Variants in SLC20A2 observed in about 807,000 individuals in gnomAD.
SLC20A2 encodes the protein solute carrier family 20 member 2.
A neutral mutation model predicts 61.0 loss-of-function variants in SLC20A2; 30 were observed. That is an observed-to-expected ratio of 0.49 (90% CI 0.37 to 0.67). The LOEUF (loss-of-function observed/expected upper bound fraction) is 0.67. Ranked by LOEUF, SLC20A2 falls within the 30% of genes least tolerant of loss-of-function variation. The pLI is 0.00. For missense variants in SLC20A2, 626 were observed against 866.4 expected (o/e 0.72, Z 3.48); for synonymous variants, 351 against 353.3 (o/e 0.99, Z 0.07).
At chr8:42,418,315 T>C (rs1449224807) in intron 10 of SLC20A2, among the ~76,000 whole-genome samples, 2 of 151,306 alleles carry the variant, frequency 1.3e-5, no homozygotes, top group African/African-American at 4.9e-5. Flanking sequence ...TACAGGCGCA[T>C]GCCATCACCC....
chr8:42,529,783 A>G (rs1812209328), intron 1 of SLC20A2, among the ~76,000 whole-genome samples: 1 of 152,232 alleles, frequency 6.6e-6, no homozygotes, highest in Non-Finnish European at 1.5e-5. Flanking sequence ...GCTTAAACTA[A>G]GCTTTGGATA....
chr8:42,449,939 C>T (rs1257334047), intron 5 of SLC20A2, among the ~76,000 whole-genome samples: 4 of 152,228 alleles, frequency 2.6e-5, no homozygotes, highest in Admixed American at 6.5e-5. Flanking sequence ...CAATATGCTG[C>T]GGATATCTTC....
chr8:42,539,391 T>TA (rs1429023032), intron 1 of SLC20A2, among the ~76,000 whole-genome samples: 4 of 152,210 alleles, frequency 2.6e-5, no homozygotes, highest in Admixed American at 1.3e-4. Flanking sequence ...AAAATAAAAT[T>TA]AAGGAAGCCA....
chr8:42,531,660 A>C (rs1035650752), intron 1 of SLC20A2, among the ~76,000 whole-genome samples: 1 of 152,136 alleles, frequency 6.6e-6, no homozygotes, highest in Non-Finnish European at 1.5e-5. Context: ...AAGACCACAC[A>C]ATTTATGAGC....
chr8:42,418,280 C>G (rs1802809794), intron 10 of SLC20A2, among the ~76,000 whole-genome samples: 1 of 152,032 alleles, frequency 6.6e-6, no homozygotes, highest in Non-Finnish European at 1.5e-5. Flanking sequence ...AATTCTCCTG[C>G]CTCAGCCTCC....
chr8:42,483,806 GT>G (rs1337250704), intron 1 of SLC20A2, among the ~76,000 whole-genome samples: 2 of 152,208 alleles, frequency 1.3e-5, no homozygotes, highest in Non-Finnish European at 2.9e-5. Context: ...ATGTTGGACT[GT>G]TTGGCTAAGT....
intron 5 of SLC20A2, among the ~76,000 whole-genome samples, chr8:42,445,659 G>A (rs1480263987): frequency 6.6e-6 from 1 of 152,162 alleles, no homozygotes; most frequent in Non-Finnish European, 1.5e-5. Context: ...CCTGGGAGGC[G>A]GAGGTTGCAG....
chr8:42,447,582 G>C (rs941278143), intron 5 of SLC20A2, among the ~76,000 whole-genome samples: 1 of 151,782 alleles, frequency 6.6e-6, no homozygotes, highest in Non-Finnish European at 1.5e-5. Flanking sequence ...GGAGGCTGAG[G>C]CAGGAGAATG....
At chr8:42,455,251 T>G (rs1806082225) in intron 5 of SLC20A2, among the ~76,000 whole-genome samples, 2 of 95,086 alleles carry the variant, frequency 2.1e-5, no homozygotes, top group Non-Finnish European at 4.6e-5. Context: ...AATATATATA[T>G]ATATATAGAG....
chr8:42,447,643 C>A (rs748386498), intron 5 of SLC20A2, among the ~76,000 whole-genome samples: 1 of 152,152 alleles, frequency 6.6e-6, no homozygotes, highest in Admixed American at 6.6e-5. Context: ...CGCCACTGCA[C>A]TCCAGCCTGG....
chr8:42,419,008 CAAAAAAAAAAAA>C (rs778981433), intron 10 of SLC20A2, among the ~76,000 whole-genome samples: 1 of 64,202 alleles, frequency 1.6e-5, no homozygotes, highest in Non-Finnish European at 2.9e-5. Flanking sequence ...GACTCTGTCT[CAAAAAAAAAAAA>C]AAAAAAAAAA....
intron 1 of SLC20A2, among the ~76,000 whole-genome samples, chr8:42,533,654 C>CTTTTTTTTTTTTTTTTTTT (rs1162369065): frequency 1.1e-4 from 6 of 55,298 alleles, no homozygotes; most frequent in South Asian, 1.6e-3. Context: ...ATCAACTGTT[C>CTTTTTTTTTTTTTTTTTTT]TTTTTTTTTT....
intron 1 of SLC20A2, among the ~76,000 whole-genome samples, chr8:42,531,879 C>T (rs897340168): frequency 1.1e-4 from 16 of 149,650 alleles, no homozygotes; most frequent in South Asian, 2.1e-4. Context: ...AGTGCAGTGG[C>T]GCGATCTCAG....
chr8:42,537,110 C>T (rs987609710), intron 1 of SLC20A2, among the ~76,000 whole-genome samples: 2 of 150,414 alleles, frequency 1.3e-5, no homozygotes, highest in Non-Finnish European at 3.0e-5. Context: ...AGGCCAGGCA[C>T]AATGGCTCAC....
rs909469408 is a variant in SLC20A2 at position 42,437,687 on chromosome 8, C to T, written c.935-110G>A. The T allele has an allele frequency of 8.0e-6, 7 of 879,576 alleles. No individual in the cohort carries two copies. The highest frequency in any genetic ancestry group is 7.0e-5 in the Admixed American group (2 of 28,408). 54.5% of individuals were successfully genotyped at this position (879,576 alleles called of 1,614,324 possible). A position where few individuals can be genotyped will look rare whatever the true frequency, so the allele number is the denominator to read the frequency against. On this transcript the variant is annotated intron_variant, in intron 7 of 10. Transcript: ENST00000520262. The surrounding 1 kb of genome is among the most constrained non-coding windows in gnomAD (Gnocchi z 6.4). ...AGGGTGGAGTACAATGGCGCAATCT[C>T]GGCTCACTGCAACCTTCGCCTCCCG...
At chr8:42,421,275 G>A (rs1370981994) in intron 10 of SLC20A2, among the ~76,000 whole-genome samples, 3 of 152,064 alleles carry the variant, frequency 2.0e-5, no homozygotes, top group Non-Finnish European at 4.4e-5. Flanking sequence ...GGCTGTCCTC[G>A]TACCTTCAGC....
At chr8:42,526,809 T>C (rs191315118) in intron 1 of SLC20A2, among the ~76,000 whole-genome samples, 131 of 152,022 alleles carry the variant, frequency 8.6e-4, no homozygotes, top group Non-Finnish European at 1.7e-3. Context: ...AAAATGTTAA[T>C]AGGAGAAACT....
At chr8:42,486,955 C>G (rs1809063708) in intron 1 of SLC20A2, among the ~76,000 whole-genome samples, 1 of 152,066 alleles carries the variant, frequency 6.6e-6, no homozygotes, top group Non-Finnish European at 1.5e-5. Context: ...CAACCTCCAC[C>G]TCCTGGGTTC....
Position 42,457,405 on chromosome 8 carries a change from C to T in SLC20A2, c.613+2491G>A, listed in dbSNP as rs6993729. On this transcript the variant is annotated intron_variant, in intron 5 of 10. Coordinates refer to ENST00000520262, the MANE Select transcript of SLC20A2 (RefSeq NM_001257180.2). Reference sequence around the variant, plus strand: ...ACTTTGCTTCCTGCTTTCCTAGAACCTAAAGCAGCTCTGGCACTCCCCTTT... The same window carrying T: ...ACTTTGCTTCCTGCTTTCCTAGAACTTAAAGCAGCTCTGGCACTCCCCTTT... 1.5e-3 allele frequency among the ~76,000 whole-genome samples: 235 copies of T among 152,280 alleles called. 3 individuals carry two copies. The highest frequency in any genetic ancestry group is 5.3e-3 in the African/African-American group (222 of 41,564).
Sources: allele counts gnomAD v4.1 joint callset (sites outside exome capture counted in the v4.1 genomes callset), GRCh38; gene constraint gnomAD v4.1.1; non-coding constraint Gnocchi (gnomAD v3.1); transcripts MANE v1.5; gene names NCBI Gene and HGNC (gene_info 2026-07-23, HGNC 2026-07-21).